The following KLF17 variants were observed in gnomAD, a reference collection of about 807,000 sequenced individuals.
KLF17 encodes Krueppel-like factor 17.
Under a neutral mutation model 34.2 loss-of-function variants are expected in KLF17, and 31 were observed. The ratio of observed to expected loss-of-function variants is 0.91; its 90% CI spans 0.68 to 1.22. The LOEUF (loss-of-function observed/expected upper bound fraction) is 1.22. Ranked by LOEUF, KLF17 falls within the 50% of genes most tolerant of loss-of-function variation. The pLI is 0.00. For missense variants in KLF17, 478 were observed against 505.2 expected, an observed-to-expected ratio of 0.95 and a Z score of 0.52; for synonymous variants, 179 against 186.7, an observed-to-expected ratio of 0.96 and a Z score of 0.34.
the KLF17 span, among the ~76,000 whole-genome samples, chr1:44,074,378 T>TAGCC: frequency 6.6e-6 from 1 of 152,170 alleles, no homozygotes; most frequent in Admixed American, 6.5e-5. Flanking sequence ...CCATTGTGGC[T>TAGCC]AGCCGCCTTC....
chr1:44,046,729 A>T, the KLF17 span, among the ~76,000 whole-genome samples: 5 of 152,218 alleles, frequency 3.3e-5, no homozygotes, highest in Non-Finnish European at 7.3e-5. Flanking sequence ...GCTTAAAAAT[A>T]TGCATTCTTA....
the KLF17 span, among the ~76,000 whole-genome samples, chr1:44,056,310 C>T: frequency 1.3e-5 from 2 of 152,202 alleles, no homozygotes; most frequent in Non-Finnish European, 2.9e-5. Context: ...AGGCCCAGAT[C>T]TCTGTGCAAA....
chr1:44,093,774 G>A, the KLF17 span, among the ~76,000 whole-genome samples: 1 of 152,200 alleles, frequency 6.6e-6, no homozygotes, highest in Non-Finnish European at 1.5e-5. Flanking sequence ...AGGGTTTGTG[G>A]CAGCTATGTC....
the KLF17 span, chr1:44,075,105 A>G: frequency 6.9e-6 from 1 of 144,400 alleles, no homozygotes; most frequent in African/African-American, 2.7e-5. Flanking sequence ...CAGCCTGGCT[A>G]ACAAAATGCA....
chr1:44,075,957 T>C, the KLF17 span: 4 of 152,252 alleles, frequency 2.6e-5, no homozygotes, highest in Non-Finnish European at 5.9e-5. Flanking sequence ...AACTTTAGCA[T>C]GCACTGCCAA....
At chr1:44,048,975 T>C in the KLF17 span, among the ~76,000 whole-genome samples, 1 of 152,192 alleles carries the variant, frequency 6.6e-6, no homozygotes, top group Non-Finnish European at 1.5e-5. Flanking sequence ...ACTGTCTTAG[T>C]CTGCTGGGGC....
chr1:44,109,899 T>C, the KLF17 span, among the ~76,000 whole-genome samples: 1 of 2,622 alleles, frequency 3.8e-4, no homozygotes, highest in Admixed American at 4.5e-3. Context: ...TTTTTATACT[T>C]TTTTTTTTTT....
At chr1:44,097,264 G>A in the KLF17 span, among the ~76,000 whole-genome samples, 9 of 152,108 alleles carry the variant, frequency 5.9e-5, no homozygotes, top group South Asian at 1.9e-3. Context: ...TTTGGTTACT[G>A]TAGCCTTGTA....
chr1:44,081,502 A>G, the KLF17 span, among the ~76,000 whole-genome samples: 1 of 146,492 alleles, frequency 6.8e-6, no homozygotes, highest in Non-Finnish European at 1.5e-5. Context: ...TGCAACCTCC[A>G]CCTCCCGGGT....
chr1:44,119,416 A>C (rs1217427596), intron 1 of KLF17, among the ~76,000 whole-genome samples: 5 of 151,616 alleles, frequency 3.3e-5, no homozygotes, highest in South Asian at 2.1e-4. Context: ...AAAAAAAAAA[A>C]AACCCCAAAA....
the KLF17 span, among the ~76,000 whole-genome samples, chr1:44,050,722 G>A: frequency 6.6e-6 from 1 of 152,142 alleles, no homozygotes; most frequent in Non-Finnish European, 1.5e-5. Flanking sequence ...TTTGAGACCA[G>A]CCTGGCTAAT....
chr1:44,068,859 C>T, the KLF17 span, among the ~76,000 whole-genome samples: 1 of 152,228 alleles, frequency 6.6e-6, no homozygotes, highest in East Asian at 1.9e-4. Context: ...AGTTTGTCCC[C>T]TGGCCCATCC....
chr1:44,069,527 C>T, the KLF17 span, among the ~76,000 whole-genome samples: 1 of 146,922 alleles, frequency 6.8e-6, no homozygotes, highest in African/African-American at 2.5e-5. The surrounding 1 kb of genome is among the most constrained non-coding windows in gnomAD (Gnocchi z 4.7). Flanking sequence ...CAGGAGGAGC[C>T]ACACTCTTTT....
chr1:44,120,111 G>A (rs1333021949), intron 1 of KLF17, among the ~76,000 whole-genome samples: 5 of 152,230 alleles, frequency 3.3e-5, no homozygotes, highest in African/African-American at 1.2e-4. Context: ...GGTGACAATA[G>A]TGACATTTTC....
chr1:44,118,790 T>G (rs1262464834), upstream of KLF17: 2 of 771,204 alleles, frequency 2.6e-6, no homozygotes, highest in African/African-American at 3.6e-5. Flanking sequence ...TTGGCGCAGC[T>G]GTAAATAGGT....
the KLF17 span, chr1:44,061,100 C>G: frequency 6.6e-6 from 1 of 152,212 alleles, no homozygotes; most frequent in Non-Finnish European, 1.5e-5. Flanking sequence ...TGTTTAACCT[C>G]TTAGTAAAGT....
chr1:44,047,026 C>CAAAA, the KLF17 span, among the ~76,000 whole-genome samples: 1 of 83,516 alleles, frequency 1.2e-5, no homozygotes, highest in African/African-American at 4.6e-5. Flanking sequence ...GACTCAGTCT[C>CAAAA]AAAAAAAAAA....
At chr1:44,090,768 G>A in the KLF17 span, among the ~76,000 whole-genome samples, 11 of 152,092 alleles carry the variant, frequency 7.2e-5, no homozygotes, top group African/African-American at 2.7e-4. Flanking sequence ...GGCACACTTT[G>A]AAGATTAGGT....
Position 44,130,730 on chromosome 1 carries a change from G to A in KLF17, c.1144G>A (p.Asp382Asn), listed in dbSNP as rs540269615. 2 of 1,614,096 alleles carry A rather than the reference G, an allele frequency of 1.2e-6. No homozygotes were observed. The highest frequency in any genetic ancestry group is 2.2e-5 in the East Asian group (1 of 44,876). The change falls in exon 3 of 4, where the codon GAC becomes AAC. Residue 382 changes from aspartate (D) to asparagine (N), a missense_variant. Coordinates refer to ENST00000372299, the MANE Select transcript of KLF17 (RefSeq NM_173484.4). ...GGCCAACAACAACAATGGAGAGCAG[G>A]ACAGTCCTCCTGCTGCTGGTCCTTA... Reference protein sequence around the residue: ...PQANNNNGEQDSPPAAGP With the variant: ...PQANNNNGEQNSPPAAGP
Sources: allele counts gnomAD v4.1 joint callset (sites outside exome capture counted in the v4.1 genomes callset), GRCh38; gene constraint gnomAD v4.1.1; non-coding constraint Gnocchi (gnomAD v3.1); transcripts MANE v1.5; gene names NCBI Gene and HGNC (gene_info 2026-07-23, HGNC 2026-07-21).